The following CPO variants were observed in gnomAD, a reference collection of about 807,000 sequenced individuals.
CPO encodes the protein carboxypeptidase O, also known as metallocarboxypeptidase C.
CPO carries 43 observed loss-of-function variants against 41.2 expected under a neutral mutation model. The ratio of observed to expected loss-of-function variants is 1.04; its 90% CI spans 0.82 to 1.35. The LOEUF (loss-of-function observed/expected upper bound fraction) is 1.35. CPO is among the 40% of genes most tolerant of loss of function. The pLI is 0.00. For synonymous variants in CPO, 178 were observed against 162.7 expected (o/e 1.09, Z -0.72); for missense variants, 408 against 451.7 (o/e 0.90, Z 0.88).
intron 6 of CPO, among the ~76,000 whole-genome samples, chr2:206,961,681 T>G (rs1278594921): frequency 6.6e-6 from 1 of 152,134 alleles, no homozygotes; most frequent in Non-Finnish European, 1.5e-5. Flanking sequence ...CTAATGAGAC[T>G]CAAGCTAGTA....
At chr2:206,951,087 A>T (rs868399534) in intron 2 of CPO, among the ~76,000 whole-genome samples, 2 of 139,584 alleles carry the variant, frequency 1.4e-5, no homozygotes, top group Middle Eastern at 3.8e-3. Flanking sequence ...AATTAAAAAA[A>T]AAAGGGGTGG....
chr2:206,969,433 C>G lies in CPO; in HGVS notation c.1122C>G (p.Leu374=). The G allele has an allele frequency of 6.2e-7, 1 of 1,613,942 alleles. No individual in the cohort carries two copies. Among genetic ancestry groups the G allele is most frequent in the East Asian group, 2.2e-5 (1 of 44,844 alleles). ...TGCTGGTGTCCTGCATGTCTCTTCT[C>G]TAAGTGCATTCTGCCCAGGCCTGCT... ...LGLLVSCMSL[L] Residue 374 remains leucine (L), a synonymous_variant, in exon 9 of 9, where the codon CTC becomes CTG. Transcript: ENST00000272852.
intron 1 of CPO, among the ~76,000 whole-genome samples, chr2:206,949,034 C>T (rs377669173): frequency 4.7e-5 from 7 of 148,720 alleles, no homozygotes; most frequent in Non-Finnish European, 5.9e-5. Flanking sequence ...TAAAAGTGTG[C>T]TAAATAATAA....
At chr2:206,941,670 T>C (rs958459925) in intron 1 of CPO, among the ~76,000 whole-genome samples, 5 of 152,176 alleles carry the variant, frequency 3.3e-5, no homozygotes, top group East Asian at 1.9e-4. Context: ...TTATTAGTTA[T>C]TGATATAAAA....
At chr2:206,951,632 G>C (rs534404113) in intron 2 of CPO, among the ~76,000 whole-genome samples, 1 of 152,182 alleles carries the variant, frequency 6.6e-6, no homozygotes, top group African/African-American at 2.4e-5. Context: ...TAAAGGTCCA[G>C]TATGGCCCAT....
chr2:206,968,154 G>A, intron 7 of CPO, 109 bp from the exon 8 acceptor site: 1 of 757,616 alleles, frequency 1.3e-6, no homozygotes, highest in Non-Finnish European at 2.3e-6. Flanking sequence ...TGGGAAGTTG[G>A]AAAGGTGGCC....
chr2:206,949,325 A>G (rs1416350873), intron 1 of CPO, among the ~76,000 whole-genome samples: 2 of 152,222 alleles, frequency 1.3e-5, no homozygotes, highest in African/African-American at 4.8e-5. Flanking sequence ...ATTATTTCAT[A>G]TACAAATTTT....
rs760139668 is a variant in CPO at position 206,958,282 on chromosome 2, G to T, written c.268-19G>T. ...TAATCAGCAATTGTTTAGTAATGGG[G>T]CATGGATATCTTCTCCAGATCAGCC... On this transcript the variant is annotated intron_variant, in intron 3 of 8. Coordinates refer to ENST00000272852, the MANE Select transcript of CPO (RefSeq NM_173077.3). The T allele has an allele frequency of 7.4e-7, 1 of 1,350,146 alleles. No homozygotes were observed. The highest frequency in any genetic ancestry group is 1.3e-5 in the South Asian group (1 of 79,540). 83.6% of individuals were successfully genotyped at this position (1,350,146 alleles called of 1,614,324 possible).
Position 206,949,676 on chromosome 2 carries a change from A to G in CPO, c.128A>G (p.Glu43Gly), listed in dbSNP as rs551716635. Reference sequence around the variant, plus strand: ...AAGTCAGTGAGTCCATGGAGCCTGGAGACGTATTCCTATAACATATACCAC... The same window carrying G: ...AAGTCAGTGAGTCCATGGAGCCTGGGGACGTATTCCTATAACATATACCAC... ...VDKSVSPWSL[E>G]TYSYNIYHPM... Residue 43 changes from glutamate (E) to glycine (G), a missense_variant, in exon 2 of 9, where the codon GAG becomes GGG. Glu to Gly is a moderately conservative substitution (Grantham distance 98, BLOSUM62 -2). Coordinates refer to ENST00000272852, the MANE Select transcript of CPO (RefSeq NM_173077.3). 7 of 1,613,380 alleles carry G rather than the reference A, an allele frequency of 4.3e-6. No homozygotes were observed. The African/African-American group carries it at 8.0e-5, about 18-fold the overall frequency.
intron 6 of CPO, among the ~76,000 whole-genome samples, chr2:206,961,971 G>T (rs550035964): frequency 1.3e-5 from 2 of 151,612 alleles, no homozygotes; most frequent in East Asian, 3.9e-4. Flanking sequence ...GTGGTGGCGG[G>T]TGCCTGTAGT....
intron 7 of CPO, among the ~76,000 whole-genome samples, chr2:206,964,248 A>C (rs762885424): frequency 2.0e-5 from 3 of 152,202 alleles, no homozygotes; most frequent in Non-Finnish European, 4.4e-5. Context: ...AATGTCCAAC[A>C]ACACTCAAGT....
At chr2:206,965,797 T>C (rs1207536216) in intron 7 of CPO, among the ~76,000 whole-genome samples, 2 of 152,102 alleles carry the variant, frequency 1.3e-5, no homozygotes, top group Non-Finnish European at 2.9e-5. Context: ...CAAATGAGTT[T>C]TTATTATTTT....
chr2:206,957,424 G>A (rs1025894532), intron 3 of CPO, among the ~76,000 whole-genome samples: 4 of 151,908 alleles, frequency 2.6e-5, no homozygotes, highest in African/African-American at 9.6e-5. Flanking sequence ...ATTAGGAATT[G>A]TCCTGACAAT....
intron 1 of CPO, among the ~76,000 whole-genome samples, chr2:206,946,363 G>A (rs1693145972): frequency 6.6e-6 from 1 of 152,046 alleles, no homozygotes; most frequent in South Asian, 2.1e-4. Flanking sequence ...TCTACCCACA[G>A]GCTGAAGAAG....
At chr2:206,958,433 G>A (rs1350197257) in intron 4 of CPO, 28 bp downstream of exon 4, 1 of 1,216,308 alleles carries the variant, frequency 8.2e-7, no homozygotes, top group African/African-American at 1.5e-5. Context: ...TCTCATACTG[G>A]TAAATCACCC....
At chr2:206,956,401 A>AATCATC (rs200242515) in intron 3 of CPO, among the ~76,000 whole-genome samples, 41 of 148,656 alleles carry the variant, frequency 2.8e-4, no homozygotes, top group South Asian at 4.3e-4. Context: ...GCAGCACTTA[A>AATCATC]ATCATCATCA....
rs1369909630 is a variant in CPO at position 206,962,383 on chromosome 2, CCTT to C, written c.575-25_575-23del. On this transcript the variant is annotated intron_variant, in intron 6 of 8. Transcript: ENST00000272852. ...TCATTTCCAAACTGAGATCATGCAG[CCTT>C]CTTTGTGGTTTCTTCCATATTCTAG... The C allele has an allele frequency of 1.5e-5, 24 of 1,598,522 alleles. No homozygotes were observed. The East Asian group carries it at 5.4e-4, about 36-fold the overall frequency.
intron 1 of CPO, among the ~76,000 whole-genome samples, chr2:206,947,302 C>G (rs570227665): frequency 6.6e-6 from 1 of 152,232 alleles, no homozygotes; most frequent in Non-Finnish European, 1.5e-5. Context: ...GACAAAGGAA[C>G]AAAACAGTCT....
intron 7 of CPO, among the ~76,000 whole-genome samples, chr2:206,965,505 A>G (rs1298297309): frequency 6.6e-6 from 1 of 152,236 alleles, no homozygotes; most frequent in Admixed American, 6.5e-5. Flanking sequence ...TAGGAGAAAC[A>G]TAACTATATA....
Sources: gnomAD v4.1 joint callset for allele counts (sites outside exome capture counted in the v4.1 genomes callset) on GRCh38, gnomAD v4.1.1 for gene constraint, MANE v1.5 for transcripts, NCBI Gene and HGNC (gene_info 2026-07-23, HGNC 2026-07-21) for gene names.